EFCAB8: variants seen among roughly 807,000 people sequenced by gnomAD.
EFCAB8 encodes EF-hand calcium-binding domain-containing protein 8.
A neutral mutation model predicts 116.3 loss-of-function variants in EFCAB8; 100 were observed. The observed-to-expected ratio is 0.86, with a 90% CI of 0.73 to 1.02. The LOEUF is 1.02. Ranked by LOEUF, EFCAB8 falls within the 50% of genes least tolerant of loss-of-function variation. The pLI, the probability that EFCAB8 is intolerant of heterozygous loss-of-function variation, is 0.00. For synonymous variants in EFCAB8, 558 were observed against 567.9 expected (o/e 0.98, Z 0.25); for missense variants, 1,320 against 1,416.9 (o/e 0.93, Z 1.10).
At chr20:32,921,619 G>A (rs1987461018) in intron 20 of EFCAB8, among the ~76,000 whole-genome samples, 1 of 151,422 alleles carries the variant, frequency 6.6e-6, no homozygotes, top group South Asian at 2.1e-4. Flanking sequence ...AAAAATAAAA[G>A]TCCCCTATAT....
chr20:32,924,767 G>A (rs1458617766), intron 20 of EFCAB8, among the ~76,000 whole-genome samples: 1 of 152,190 alleles, frequency 6.6e-6, no homozygotes, highest in African/African-American at 2.4e-5. Context: ...AGAATTGCAT[G>A]CAAAAGATTG....
intron 20 of EFCAB8, among the ~76,000 whole-genome samples, chr20:32,921,358 A>ATT (rs1186440286): frequency 2.2e-5 from 2 of 91,464 alleles, no homozygotes; most frequent in South Asian, 3.3e-4. Context: ...ATGCCCAGCT[A>ATT]TTTTGTGTGT....
intron 19 of EFCAB8, among the ~76,000 whole-genome samples, chr20:32,919,598 G>A (rs1286233523): frequency 6.6e-6 from 1 of 152,154 alleles, no homozygotes; most frequent in Non-Finnish European, 1.5e-5. Context: ...CTGGGTTCAA[G>A]CAATTCTCCT....
At chr20:32,904,180 A>AT (rs1488309868) in intron 11 of EFCAB8, among the ~76,000 whole-genome samples, 2 of 150,990 alleles carry the variant, frequency 1.3e-5, no homozygotes, top group Non-Finnish European at 2.9e-5. Context: ...TTTTGTACAG[A>AT]TGGGATCTTG....
At chr20:32,925,281 G>C in intron 20 of EFCAB8, among the ~76,000 whole-genome samples, 1 of 151,940 alleles carries the variant, frequency 6.6e-6, no homozygotes, top group Admixed American at 6.6e-5. Context: ...GTGCAGTGGC[G>C]TGATCTCAGC....
At chr20:32,952,722 C>G (rs185548172) in intron 23 of EFCAB8, among the ~76,000 whole-genome samples, 26 of 152,126 alleles carry the variant, frequency 1.7e-4, no homozygotes, top group Non-Finnish European at 2.9e-5. Flanking sequence ...ATCACTTGCC[C>G]GTTCATTTTC....
At position 32,961,215 on chromosome 20, in the gene EFCAB8, G is replaced by C; in HGVS notation, c.3473G>C (p.Gly1158Ala). ...CAGCCTGACTTCCTGACCAGCAGGGGCCCAGACCAGCAAGACCAGCACATC... is the reference window on the plus strand; with the variant it reads ...CAGCCTGACTTCCTGACCAGCAGGGCCCCAGACCAGCAAGACCAGCACATC... ...TQQPDFLTSR[G>A]PDQQDQHIRL... is the part of the protein sequence containing the mutation. The change falls in exon 27 of 27, where the codon GGC becomes GCC. Residue 1158 changes from glycine (G) to alanine (A), a missense_variant. Gly to Ala is a moderately conservative substitution (Grantham distance 60, BLOSUM62 0). Transcript: ENST00000400522. The C allele has an allele frequency of 6.4e-7, 1 of 1,551,994 alleles. No homozygotes were observed. Among genetic ancestry groups the C allele is most frequent in the Non-Finnish European group, 8.7e-7 (1 of 1,146,976 alleles).
rs1989087657 is a variant in EFCAB8 at position 32,959,890 on chromosome 20, C to T, written c.3202C>T (p.Gln1068Ter). The T allele has an allele frequency of 1.9e-6, 3 of 1,551,646 alleles. No individual in the cohort carries two copies. The highest frequency in any genetic ancestry group is 2.4e-5 in the South Asian group (2 of 84,048). ...GGAGGCAGACACTTGGGCCAAGCTG[C>T]AGAAGATGGCCCTGATGTCCCCGTG... ...DKEADTWAKL[Q>*]KMALMSPWAG... is the part of the protein sequence containing the mutation. The change falls in exon 25 of 27, where the codon CAG becomes TAG. Residue 1068 changes from glutamine to a stop codon, truncating the protein, a stop_gained. Coordinates refer to ENST00000400522, the MANE Select transcript of EFCAB8 (RefSeq NM_001143967.2). LOFTEE classifies it high-confidence loss of function.
At chr20:32,898,671 G>T (rs1267942078) in intron 11 of EFCAB8, 48 bp downstream of exon 11, 6 of 709,216 alleles carry the variant, frequency 8.5e-6, no homozygotes, top group South Asian at 4.5e-5. Flanking sequence ...TGGAAGGGAG[G>T]GGGGTGGTGA....
chr20:32,921,021 C>G (rs749066656), intron 20 of EFCAB8, among the ~76,000 whole-genome samples: 2 of 152,154 alleles, frequency 1.3e-5, no homozygotes, highest in African/African-American at 2.4e-5. Context: ...ACTGACTCCC[C>G]GTCCTGAAAA....
chr20:32,892,936 G>A lies in EFCAB8; in HGVS notation c.759-238G>A, dbSNP rs373987449. On this transcript the variant is annotated intron_variant, in intron 8 of 26. Coordinates refer to ENST00000400522, the MANE Select transcript of EFCAB8 (RefSeq NM_001143967.2). The stretch of plus-strand genomic sequence containing the variant: ...GCTCACTGCAGCCTCCACCTGCCGG[G>A]TTCAAGTGATTCTCCTGCCTCAGCC... Among the ~76,000 whole-genome samples, 77 of 151,932 alleles carry A rather than the reference G, an allele frequency of 5.1e-4. 1 individual carries two copies. The highest frequency in any genetic ancestry group is 1.6e-3 in the African/African-American group (67 of 41,418).
At chr20:32,954,770 C>T (rs568191096) in intron 23 of EFCAB8, among the ~76,000 whole-genome samples, 12 of 152,250 alleles carry the variant, frequency 7.9e-5, no homozygotes, top group East Asian at 3.9e-4. Context: ...TTCTGTCAAA[C>T]GCTTTTTCTG....
At chr20:32,902,139 A>G (rs1396931799) in intron 11 of EFCAB8, among the ~76,000 whole-genome samples, 1 of 152,170 alleles carries the variant, frequency 6.6e-6, no homozygotes, top group African/African-American at 2.4e-5. Context: ...ATCTTCTTAC[A>G]ATATTTGGAA....
At chr20:32,912,974 T>C (rs2146248618) in intron 17 of EFCAB8, 110 bp downstream of exon 17, 5 of 649,962 alleles carry the variant, frequency 7.7e-6, no homozygotes. Context: ...ATGCAGGAAG[T>C]TAGTGGTGGT....
At chr20:32,960,496 T>C (rs1989113875) in intron 26 of EFCAB8, among the ~76,000 whole-genome samples, 1 of 152,216 alleles carries the variant, frequency 6.6e-6, no homozygotes, top group African/African-American at 2.4e-5. Context: ...GGTTAGCATA[T>C]TTCCCACCTG....
At chr20:32,889,194 C>T in intron 6 of EFCAB8, 107 bp from the exon 7 acceptor site, 3 of 897,890 alleles carry the variant, frequency 3.3e-6, no homozygotes, top group South Asian at 3.2e-5. Flanking sequence ...GGCTCCATGC[C>T]AGGTCTGTGG....
intron 5 of EFCAB8, among the ~76,000 whole-genome samples, 179 bp downstream of exon 5, chr20:32,878,986 C>T (rs964575628): frequency 6.6e-6 from 1 of 152,186 alleles, no homozygotes; most frequent in Non-Finnish European, 1.5e-5. Flanking sequence ...AGTGTTAGGA[C>T]TAAGGTACGT....
intron 20 of EFCAB8, among the ~76,000 whole-genome samples, chr20:32,922,599 G>A (rs1302436107): frequency 6.6e-6 from 1 of 152,200 alleles, no homozygotes; most frequent in Non-Finnish European, 1.5e-5. Context: ...CCGGGAAGAT[G>A]GCAGGGAGAA....
chr20:32,900,462 G>A (rs1038622445), intron 11 of EFCAB8, among the ~76,000 whole-genome samples: 2 of 152,168 alleles, frequency 1.3e-5, no homozygotes, highest in African/African-American at 4.8e-5. Context: ...CCAGGTTCAA[G>A]TGACTCTCCT....
Sources: allele counts gnomAD v4.1 joint callset (sites outside exome capture counted in the v4.1 genomes callset), GRCh38; gene constraint gnomAD v4.1.1; transcripts MANE v1.5; gene names NCBI Gene and HGNC (gene_info 2026-07-23, HGNC 2026-07-21).